Variants in MIR2052HG observed in about 807,000 individuals in gnomAD.
The protein encoded by MIR2052HG is MIR2052 host gene.
chr8:74,630,149 A>G (rs750374930), intron 2 of MIR2052HG, among the ~76,000 whole-genome samples: 14 of 152,206 alleles, frequency 9.2e-5, no homozygotes, highest in Admixed American at 3.9e-4. Context: ...TGTATCTGAT[A>G]ATAATGCTAA....
intron 2 of MIR2052HG, among the ~76,000 whole-genome samples, chr8:74,671,875 T>C (rs1808996731): frequency 6.6e-6 from 1 of 152,106 alleles, no homozygotes; most frequent in Non-Finnish European, 1.5e-5. Flanking sequence ...GAGGAGTGCA[T>C]TTTGTGGCTT....
intron 2 of MIR2052HG, among the ~76,000 whole-genome samples, chr8:74,624,230 T>A (rs149035489): frequency 0.016 from 2,416 of 152,340 alleles, 74 homozygotes; most frequent in African/African-American, 0.056. Context: ...GCCAAGTGAT[T>A]CTCTTCAAAT....
chr8:74,627,433 A>T (rs1808451435), intron 2 of MIR2052HG, among the ~76,000 whole-genome samples: 2 of 152,240 alleles, frequency 1.3e-5, no homozygotes, highest in Non-Finnish European at 2.9e-5. Context: ...AATAATTTGG[A>T]TACTGTAGAA....
chr8:74,696,969 A>G (rs947786871), intron 2 of MIR2052HG, among the ~76,000 whole-genome samples: 1 of 152,138 alleles, frequency 6.6e-6, no homozygotes, highest in African/African-American at 2.4e-5. Flanking sequence ...AAATCATTCT[A>G]TAATAATGAT....
At chr8:74,602,849 C>CTTTCTTTCTTTCT (rs1808033255) in intron 1 of MIR2052HG, among the ~76,000 whole-genome samples, 2 of 142,732 alleles carry the variant, frequency 1.4e-5, no homozygotes, top group African/African-American at 2.7e-5. Context: ...TTCTTTCTTT[C>CTTTCTTTCTTTCT]TTTCTTTCTT....
intron 2 of MIR2052HG, among the ~76,000 whole-genome samples, chr8:74,699,337 T>C (rs1809333722): frequency 6.6e-6 from 1 of 151,730 alleles, no homozygotes; most frequent in Admixed American, 6.6e-5. Flanking sequence ...AATTTGCAAC[T>C]GCAAAAACAT....
intron 2 of MIR2052HG, chr8:74,633,239 G>A (rs1176430662): frequency 3.3e-5 from 5 of 152,100 alleles, no homozygotes; most frequent in Non-Finnish European, 7.3e-5. Flanking sequence ...TATTACCCAG[G>A]ATGGTCTTGA....
intron 2 of MIR2052HG, among the ~76,000 whole-genome samples, chr8:74,649,085 A>G (rs1563522632): frequency 6.6e-6 from 1 of 152,162 alleles, no homozygotes; most frequent in Non-Finnish European, 1.5e-5. Context: ...AAATTAGAAT[A>G]GGAGACACAG....
At chr8:74,750,688 G>A (rs193074384) in intron 4 of MIR2052HG, among the ~76,000 whole-genome samples, 47 of 152,246 alleles carry the variant, frequency 3.1e-4, no homozygotes, top group Admixed American at 2.1e-3. Context: ...ATGAAAACAG[G>A]ACCATCATAA....
chr8:74,701,416 G>T (rs1398795055), intron 2 of MIR2052HG, among the ~76,000 whole-genome samples: 2 of 152,102 alleles, frequency 1.3e-5, no homozygotes, highest in East Asian at 3.9e-4. Context: ...ATTGTGCGGG[G>T]GTTGGAAGTC....
chr8:74,628,884 T>A (rs1169573568), intron 2 of MIR2052HG: 2 of 121,550 alleles, frequency 1.6e-5, no homozygotes, highest in Middle Eastern at 0.011. Flanking sequence ...AGAAAATTGC[T>A]GGAAAAAGAA....
In MIR2052HG at chr8:74,724,604, C is replaced by T. The variant is rs902997997; in HGVS notation, n.371+20922C>T. Among the ~76,000 whole-genome samples, 3 of 152,170 alleles carry T rather than the reference C, an allele frequency of 2.0e-5. No individual in the cohort carries two copies. In the East Asian group the frequency reaches 5.8e-4, roughly 29 times the overall value. On this transcript the variant is annotated intron_variant and non_coding_transcript_variant, in intron 4 of 6. Coordinates refer to ENST00000523442, the Ensembl canonical transcript of MIR2052HG. The stretch of plus-strand genomic sequence containing the variant: ...GAGCATGTTGCATTTGTTATTTTGA[C>T]AACTTTTCTAACTATGCTATAGAAT...
intron 2 of MIR2052HG, among the ~76,000 whole-genome samples, chr8:74,699,879 G>A (rs750767436): frequency 9.9e-5 from 15 of 152,012 alleles, no homozygotes; most frequent in Non-Finnish European, 2.1e-4. Flanking sequence ...AAGTGTTTTC[G>A]ATTTTAAACA....
At chr8:74,720,429 T>A (rs530158569) in intron 4 of MIR2052HG, among the ~76,000 whole-genome samples, 2 of 152,306 alleles carry the variant, frequency 1.3e-5, no homozygotes, top group African/African-American at 4.8e-5. Context: ...TTTTCTTAAT[T>A]GTTTTTTTCA....
intron 2 of MIR2052HG, among the ~76,000 whole-genome samples, chr8:74,670,665 T>C (rs986427745): frequency 1.3e-5 from 2 of 152,126 alleles, no homozygotes; most frequent in African/African-American, 4.8e-5. Context: ...CTTCTAGTAT[T>C]CATATAAGCT....
At chr8:74,738,697 A>G (rs764190493) in intron 4 of MIR2052HG, among the ~76,000 whole-genome samples, 1 of 152,214 alleles carries the variant, frequency 6.6e-6, no homozygotes, top group Non-Finnish European at 1.5e-5. Flanking sequence ...AATGCCACAA[A>G]AATGGTGAAT....
intron 4 of MIR2052HG, among the ~76,000 whole-genome samples, chr8:74,738,004 ATG>A (rs1809785759): frequency 6.6e-6 from 1 of 151,968 alleles, no homozygotes; most frequent in Non-Finnish European, 1.5e-5. Flanking sequence ...GTATGTATGT[ATG>A]TGTTATCTAT....
chr8:74,704,035 C>A (rs1489514107), intron 4 of MIR2052HG, among the ~76,000 whole-genome samples: 2 of 151,828 alleles, frequency 1.3e-5, no homozygotes, highest in Admixed American at 1.3e-4. Context: ...AGGGTGGTAA[C>A]TCTTTTGAGG....
intron 2 of MIR2052HG, among the ~76,000 whole-genome samples, chr8:74,635,518 T>C (rs766055827): frequency 6.6e-6 from 1 of 152,154 alleles, no homozygotes; most frequent in Non-Finnish European, 1.5e-5. Context: ...TTAAAGGACA[T>C]GCACAGAACA....
Sources: gnomAD v4.1 joint callset for allele counts (sites outside exome capture counted in the v4.1 genomes callset) on GRCh38, gnomAD v4.1.1 for gene constraint, MANE v1.5 for transcripts, NCBI Gene and HGNC (gene_info 2026-07-23, HGNC 2026-07-21) for gene names.